The following NUBPL variants were observed in gnomAD, a reference collection of about 807,000 sequenced individuals.
NUBPL encodes NUBP iron-sulfur cluster assembly factor, mitochondrial.
In NUBPL, 31 loss-of-function variants were observed where a neutral mutation model predicts 45.7. That is an observed-to-expected ratio of 0.68 (90% CI 0.51 to 0.92). The LOEUF (loss-of-function observed/expected upper bound fraction) is 0.92. Ranked by LOEUF, NUBPL falls within the 40% of genes least tolerant of loss-of-function variation. The pLI is 0.00. For synonymous variants in NUBPL, 144 were observed against 140.9 expected (o/e 1.02, Z -0.15); for missense variants, 401 against 398.7 (o/e 1.01, Z -0.05).
chr14:31,768,134 G>C (rs1364358458), intron 6 of NUBPL, among the ~76,000 whole-genome samples: 1 of 152,226 alleles, frequency 6.6e-6, no homozygotes, highest in Non-Finnish European at 1.5e-5. Flanking sequence ...GTATTTTGGA[G>C]ACCCATCTTT....
intron 6 of NUBPL, among the ~76,000 whole-genome samples, chr14:31,766,454 T>A (rs1206846395): frequency 6.6e-6 from 1 of 152,198 alleles, no homozygotes; most frequent in Non-Finnish European, 1.5e-5. Context: ...GAAAACACCA[T>A]GGGACCCAGC....
intron 7 of NUBPL, among the ~76,000 whole-genome samples, chr14:31,800,339 A>G (rs1214422487): frequency 2.0e-5 from 3 of 152,188 alleles, no homozygotes; most frequent in East Asian, 1.9e-4. Context: ...AATACATACA[A>G]CATAATATCG....
intron 6 of NUBPL, among the ~76,000 whole-genome samples, chr14:31,696,871 C>A (rs1036986006): frequency 1.3e-5 from 2 of 152,090 alleles, no homozygotes; most frequent in Non-Finnish European, 2.9e-5. Context: ...ATTTTTCTGG[C>A]TTCTAACTAA....
intron 6 of NUBPL, among the ~76,000 whole-genome samples, chr14:31,758,553 G>T (rs1595590945): frequency 1.3e-5 from 2 of 152,156 alleles, no homozygotes; most frequent in South Asian, 4.1e-4. Flanking sequence ...ATCCAGATAA[G>T]CAGAGATTAA....
At position 31,726,407 on chromosome 14, in the gene NUBPL, AG is replaced by A. The variant is rs1222466956; in HGVS notation, c.513+52835del. ...GATCCAAGGGTGAAAACTACTGGGA[AG>A]GTTATTTTGGCTCATAAAAATAAAT... On this transcript the variant is annotated intron_variant, in intron 6 of 10. Coordinates refer to ENST00000281081, the MANE Select transcript of NUBPL (RefSeq NM_025152.3). Among the ~76,000 whole-genome samples the A allele has an allele frequency of 2.0e-5, 3 of 152,262 alleles. No homozygotes were observed. The East Asian group carries it at 5.8e-4, about 29-fold the overall frequency.
chr14:31,686,589 A>C (rs2036957263), intron 6 of NUBPL: 2 of 152,350 alleles, frequency 1.3e-5, no homozygotes, highest in Middle Eastern at 3.4e-3. Flanking sequence ...TTGCCAGGTA[A>C]TATGTTGGAT....
At chr14:31,676,124 G>A (rs769285131) in intron 6 of NUBPL, among the ~76,000 whole-genome samples, 1 of 151,800 alleles carries the variant, frequency 6.6e-6, no homozygotes, top group Non-Finnish European at 1.5e-5. Flanking sequence ...CCAGGTTTAA[G>A]CAATTCTCCT....
At chr14:31,595,805 T>C (rs1053478049) in intron 3 of NUBPL, among the ~76,000 whole-genome samples, 1 of 152,194 alleles carries the variant, frequency 6.6e-6, no homozygotes, top group Non-Finnish European at 1.5e-5. Flanking sequence ...AAATTTATTT[T>C]TATAGCAATG....
intron 6 of NUBPL, among the ~76,000 whole-genome samples, chr14:31,680,409 C>T (rs2036803288): frequency 6.6e-6 from 1 of 152,028 alleles, no homozygotes; most frequent in Non-Finnish European, 1.5e-5. Context: ...TTCCTTGTTT[C>T]TTGAAAGTTT....
chr14:31,573,417 A>G (rs560918153), intron 3 of NUBPL, among the ~76,000 whole-genome samples: 107 of 152,146 alleles, frequency 7.0e-4, no homozygotes, highest in Non-Finnish European at 1.4e-3. Flanking sequence ...TCTCCTGGGT[A>G]CTAGTCTGGT....
chr14:31,669,304 G>A (rs1012812513), intron 4 of NUBPL, among the ~76,000 whole-genome samples: 2 of 152,006 alleles, frequency 1.3e-5, no homozygotes, highest in East Asian at 3.8e-4. Context: ...CCTTGTTGTG[G>A]GAACATTTAA....
intron 3 of NUBPL, among the ~76,000 whole-genome samples, chr14:31,588,220 G>T (rs1271354156): frequency 6.6e-6 from 1 of 152,066 alleles, no homozygotes; most frequent in East Asian, 1.9e-4. Context: ...TTCATTGGGG[G>T]TTATTGTATA....
intron 3 of NUBPL, among the ~76,000 whole-genome samples, chr14:31,589,999 C>G (rs916161518): frequency 6.6e-6 from 1 of 152,174 alleles, no homozygotes. Flanking sequence ...AATGACAAGC[C>G]TTATCCTCAT....
intron 6 of NUBPL, among the ~76,000 whole-genome samples, chr14:31,731,717 T>A (rs1483191935): frequency 6.6e-6 from 1 of 152,198 alleles, no homozygotes; most frequent in Non-Finnish European, 1.5e-5. Flanking sequence ...TAGACTCAAA[T>A]AGCATTTTGA....
intron 6 of NUBPL, among the ~76,000 whole-genome samples, chr14:31,746,066 A>T (rs2038393549): frequency 6.6e-6 from 1 of 152,032 alleles, no homozygotes; most frequent in Non-Finnish European, 1.5e-5. Flanking sequence ...CTTGGCATTC[A>T]CTGCAAGCTA....
At chr14:31,656,370 C>T (rs550000148) in intron 4 of NUBPL, among the ~76,000 whole-genome samples, 2 of 152,282 alleles carry the variant, frequency 1.3e-5, no homozygotes, top group South Asian at 2.1e-4. Flanking sequence ...TTTGCATTCA[C>T]AACTTGGCTG....
chr14:31,723,864 A>G (rs2037864029), intron 6 of NUBPL, among the ~76,000 whole-genome samples: 1 of 152,152 alleles, frequency 6.6e-6, no homozygotes, highest in South Asian at 2.1e-4. Flanking sequence ...AGGGTTTTCT[A>G]GATGTAGAAT....
Position 31,853,174 on chromosome 14 carries a change from C to T in NUBPL, c.897+2973C>T, listed in dbSNP as rs552760354. On this transcript the variant is annotated intron_variant, in intron 10 of 10. Coordinates refer to ENST00000281081, the MANE Select transcript of NUBPL (RefSeq NM_025152.3). ...TTGGAGTGCAGTGGCACGATCTCAT[C>T]CTCCCAAGTAGCTGGGACCACTGGT... Among the ~76,000 whole-genome samples, 181 of 152,266 alleles carry T rather than the reference C, an allele frequency of 1.2e-3. 1 individual carries two copies. Among genetic ancestry groups the T allele is most frequent in the African/African-American group, 4.0e-3 (168 of 41,536 alleles).
At chr14:31,644,628 G>A (rs1255885207) in intron 4 of NUBPL, among the ~76,000 whole-genome samples, 1 of 152,132 alleles carries the variant, frequency 6.6e-6, no homozygotes, top group Admixed American at 6.5e-5. Flanking sequence ...ATGTTCTACA[G>A]TTGTTGGGTG....
Sources: gnomAD v4.1 joint callset for allele counts (sites outside exome capture counted in the v4.1 genomes callset) on GRCh38, gnomAD v4.1.1 for gene constraint, MANE v1.5 for transcripts, NCBI Gene and HGNC (gene_info 2026-07-23, HGNC 2026-07-21) for gene names.